The following ADGRB1 variants were observed in gnomAD, a reference collection of about 807,000 sequenced individuals.
ADGRB1 encodes the protein brain-specific angiogenesis inhibitor 1.
Under a neutral mutation model 175.7 loss-of-function variants are expected in ADGRB1, and 36 were observed. That is an observed-to-expected ratio of 0.20 (90% CI 0.16 to 0.27). The LOEUF (loss-of-function observed/expected upper bound fraction) is 0.27. Among genes scored for constraint, ADGRB1 ranks in the 10% least tolerant of loss-of-function variants. The probability of loss-of-function intolerance (pLI) is 1.00; values close to 1 mark genes in which losing one functional copy is unlikely to be tolerated. For synonymous variants in ADGRB1, 1,054 were observed against 979.4 expected, an observed-to-expected ratio of 1.08 and a Z score of -1.42; for missense variants, 1,731 against 2,255.3, an observed-to-expected ratio of 0.77 and a Z score of 4.71.
chr8:142,507,266 C>T (rs768591655), intron 17 of ADGRB1, among the ~76,000 whole-genome samples: 1 of 152,186 alleles, frequency 6.6e-6, no homozygotes, highest in Non-Finnish European at 1.5e-5. Context: ...GGCTGTTCCC[C>T]TGACACATGC....
intron 11 of ADGRB1, 64 bp from the exon 12 acceptor site, chr8:142,483,908 CCTGGT>C: frequency 6.5e-7 from 1 of 1,541,078 alleles, no homozygotes; most frequent in East Asian, 2.3e-5. Context: ...GAATCCTGAC[CCTGGT>C]CACAGTGAAC....
intron 20 of ADGRB1, among the ~76,000 whole-genome samples, chr8:142,521,314 C>G (rs955895679): frequency 2.0e-5 from 3 of 152,142 alleles, no homozygotes; most frequent in African/African-American, 7.2e-5. Context: ...CCTCTCACCC[C>G]TACGCTCGCC....
At chr8:142,529,590 G>A (rs375315015) in intron 24 of ADGRB1, among the ~76,000 whole-genome samples, 208 of 151,898 alleles carry the variant, frequency 1.4e-3, no homozygotes, top group African/African-American at 3.6e-3. Context: ...ATGTGTGAGC[G>A]TGCATGTATG....
chr8:142,498,201 G>A (rs2131937889), intron 17 of ADGRB1, among the ~76,000 whole-genome samples: 1 of 152,294 alleles, frequency 6.6e-6, no homozygotes, highest in East Asian at 1.9e-4. Context: ...CCGATCTGCA[G>A]TGAATCCTTG....
chr8:142,460,050 C>CTG (rs1839893499), intron 1 of ADGRB1, among the ~76,000 whole-genome samples: 1 of 152,280 alleles, frequency 6.6e-6, no homozygotes, highest in Non-Finnish European at 1.5e-5. Flanking sequence ...GTGACCTGGG[C>CTG]TGCAGTGCCC....
In ADGRB1 at chr8:142,455,086, G is replaced by GC. The variant is rs1839585390; in HGVS notation, c.-220+4988dup. 1.6e-5 allele frequency among the ~76,000 whole-genome samples: 2 copies of GC among 128,010 alleles called. No individual in the cohort carries two copies. The highest frequency in any genetic ancestry group is 3.3e-5 in the Non-Finnish European group (2 of 59,860). The allele number at this position is 128,010 out of a possible 152,430, so 84.0% of individuals were successfully genotyped here. ...CATATTTGACACCAGCACCCTCACT[G>GC]CCCCCCTACCATCTCACCCCACCCC... On this transcript the variant is annotated intron_variant, in intron 1 of 30. Transcript: ENST00000517894. This position sits in a 1 kb window ranked among gnomAD's most constrained non-coding sequence, Gnocchi z 4.9.
At chr8:142,522,246 T>TC in intron 21 of ADGRB1, 131 bp downstream of exon 21, 2 of 1,297,514 alleles carry the variant, frequency 1.5e-6, no homozygotes, top group Non-Finnish European at 2.1e-6. Flanking sequence ...TGGGTGGGCT[T>TC]CCCCCTCTGG....
chr8:142,484,505 C>G, intron 12 of ADGRB1, 151 bp from the exon 13 acceptor site: 1 of 762,912 alleles, frequency 1.3e-6, no homozygotes, highest in African/African-American at 1.8e-5. Context: ...TTTCTCATCC[C>G]CAAAGTGGGG....
rs1005499933 is a variant in ADGRB1 at position 142,493,083 on chromosome 8, G to A, written c.2675+2268G>A. Among the ~76,000 whole-genome samples the A allele has an allele frequency of 2.6e-5, 4 of 151,886 alleles. No individual in the cohort carries two copies. The highest frequency in any genetic ancestry group is 5.9e-5 in the Non-Finnish European group (4 of 67,956). Reference sequence around the variant, plus strand: ...TCACCCGTACTTCTGATTGCTCCCTGGGGATCAGTCCCCAGGCAGTCTTGT... The same window carrying A: ...TCACCCGTACTTCTGATTGCTCCCTAGGGATCAGTCCCCAGGCAGTCTTGT... On this transcript the variant is annotated intron_variant, in intron 17 of 30. Transcript: ENST00000517894. The surrounding 1 kb of genome is among the most constrained non-coding windows in gnomAD (Gnocchi z 5.0).
In ADGRB1 at chr8:142,544,723, C is replaced by T. The variant is rs894265365; in HGVS notation, c.*306C>T. 15 of 239,824 alleles carry T rather than the reference C, an allele frequency of 6.3e-5. No individual in the cohort carries two copies. The highest frequency in any genetic ancestry group is 1.6e-4 in the South Asian group (1 of 6,282). 14.9% of individuals were successfully genotyped at this position (239,824 alleles called of 1,614,324 possible). On this transcript the variant is annotated 3_prime_UTR_variant, in exon 31 of 31. Transcript: ENST00000517894. ...GGCTGTGGACCGTGGACAGGCCCAG[C>T]GCGGCCAGCGTCCCAGGGTACCCGC...
chr8:142,501,473 G>C (rs1394143603), intron 17 of ADGRB1, among the ~76,000 whole-genome samples: 3 of 107,656 alleles, frequency 2.8e-5, no homozygotes, highest in African/African-American at 9.9e-5. Context: ...TGGGGTGGTG[G>C]TGGTGATGAT....
At chr8:142,500,163 C>A (rs2131954100) in intron 17 of ADGRB1, among the ~76,000 whole-genome samples, 1 of 152,002 alleles carries the variant, frequency 6.6e-6, no homozygotes, top group Non-Finnish European at 1.5e-5. Context: ...GGGATCGGGG[C>A]AGGCAGGCTG....
Position 142,477,565 on chromosome 8 carries a change from G to A in ADGRB1, c.1387+16G>A, listed in dbSNP as rs1841049349. On this transcript the variant is annotated intron_variant, in intron 6 of 30. Coordinates refer to ENST00000517894, the MANE Select transcript of ADGRB1 (RefSeq NM_001702.3). ...CTGTGCCCTGGTAGGTGAGAGGGAG[G>A]GCGTAGGGGCAGGGAGGAAGGGAAG... is the stretch of plus-strand genomic sequence containing the variant. The A allele has an allele frequency of 3.7e-6, 6 of 1,607,426 alleles. No homozygotes were observed. In the East Asian group the frequency reaches 1.3e-4, roughly 36 times the overall value.
chr8:142,534,350 G>C (rs1386970460), intron 25 of ADGRB1, among the ~76,000 whole-genome samples: 1 of 152,222 alleles, frequency 6.6e-6, no homozygotes, highest in Non-Finnish European at 1.5e-5. Context: ...TGCCCTCTTG[G>C]CCTCCGCGGC....
intron 17 of ADGRB1, among the ~76,000 whole-genome samples, chr8:142,508,067 G>T (rs1279073332): frequency 6.6e-6 from 1 of 152,112 alleles, no homozygotes; most frequent in Non-Finnish European, 1.5e-5. Context: ...TATGTGTCTG[G>T]CTGCATGCCC....
chr8:142,518,343 A>C (rs13281694), intron 19 of ADGRB1, 102 bp downstream of exon 19: 1,236,919 of 1,236,944 alleles, frequency 1, 618,447 homozygotes, highest in Middle Eastern at 1. Context: ...CCCTCCCTCC[A>C]TTTGTCCTCA....
At chr8:142,522,314 T>G (rs34031406) in intron 21 of ADGRB1, among the ~76,000 whole-genome samples, 199 bp downstream of exon 21, 35,966 of 151,984 alleles carry the variant, frequency 0.24, 4,301 homozygotes, top group Admixed American at 0.31. Context: ...TTCTCTTTCA[T>G]GTCTAGATAA....
At chr8:142,469,570 TGC>T (rs1194719287) in intron 2 of ADGRB1, among the ~76,000 whole-genome samples, 6 of 144,526 alleles carry the variant, frequency 4.2e-5, no homozygotes. Flanking sequence ...TGAATGTGTG[TGC>T]ATGTGTGCAT....
Position 142,476,688 on chromosome 8 carries a change from C to G in ADGRB1, c.1050C>G (p.Pro350=). 2.6e-6 allele frequency: 4 copies of G among 1,545,646 alleles called. No homozygotes were observed. The highest frequency in any genetic ancestry group is 2.0e-5 in the Admixed American group (1 of 50,850). The change falls in exon 4 of 31, where the codon CCC becomes CCG. Residue 350 remains proline, a synonymous_variant. Transcript: ENST00000517894. ...DELQQFGFPA[P]QTGDPAAEEW... is the part of the protein sequence containing the mutation. ...TGCAGCAGTTTGGGTTCCCAGCCCC[C>G]CAGACCGGTGAGCTGGCGGGAGGGG...
Sources: allele counts gnomAD v4.1 joint callset (sites outside exome capture counted in the v4.1 genomes callset), GRCh38; gene constraint gnomAD v4.1.1; non-coding constraint Gnocchi (gnomAD v3.1); transcripts MANE v1.5; gene names NCBI Gene and HGNC (gene_info 2026-07-23, HGNC 2026-07-21).